ZNF487: variants seen among roughly 807,000 people sequenced by gnomAD.
ZNF487 encodes the protein zinc finger protein 487, also known as KRAB domain only 1.
A neutral mutation model predicts 3.0 loss-of-function variants in ZNF487; 4 were observed. That is an observed-to-expected ratio of 1.35 (90% CI 0.66 to 3.08). ZNF487 has a LOEUF of 3.08. Ranked by LOEUF, ZNF487 falls within the 30% of genes most tolerant of loss-of-function variation. ZNF487 has a pLI of 0.01. For missense variants in ZNF487, 146 were observed against 98.7 expected, an observed-to-expected ratio of 1.48 and a Z score of -2.03; for synonymous variants, 55 against 34.6, an observed-to-expected ratio of 1.59 and a Z score of -2.06.
intron 1 of ZNF487, among the ~76,000 whole-genome samples, chr10:43,462,781 T>A (rs1428076095): frequency 6.7e-6 from 1 of 150,282 alleles, no homozygotes; most frequent in Admixed American, 6.7e-5. Context: ...TTTTTTTTTA[T>A]AAATAGAGAT....
chr10:43,511,845 C>T, the ZNF487 span, among the ~76,000 whole-genome samples: 1 of 152,210 alleles, frequency 6.6e-6, no homozygotes, highest in African/African-American at 2.4e-5. Context: ...TGAGCACTCA[C>T]ATGGGATACA....
chr10:43,497,778 C>T, the ZNF487 span, among the ~76,000 whole-genome samples: 9 of 151,550 alleles, frequency 5.9e-5, no homozygotes, highest in East Asian at 1.8e-3. Context: ...CCATCCTGGC[C>T]AACACGGTGA....
chr10:43,491,231 C>T, the ZNF487 span, among the ~76,000 whole-genome samples: 9 of 151,770 alleles, frequency 5.9e-5, 1 homozygote, highest in Non-Finnish European at 1.0e-4. Flanking sequence ...GCCTCAGCCT[C>T]CCAAAGTACT....
In ZNF487 at chr10:43,481,999, C is replaced by CA; in HGVS notation, c.*78dup. 1.7e-6 allele frequency: 1 copy of CA among 590,556 alleles called. No homozygotes were observed. The highest frequency in any genetic ancestry group is 3.0e-6 in the Non-Finnish European group (1 of 335,600). The allele number at this position is 590,556 out of a possible 1,614,324, so 36.6% of individuals were successfully genotyped here. On this transcript the variant is annotated 3_prime_UTR_variant, in exon 4 of 4. Coordinates refer to ENST00000437590, the MANE Select transcript of ZNF487 (RefSeq NM_001355444.3). The stretch of plus-strand genomic sequence containing the variant: ...TCAGAGAACTCACATAAGGAAGAGT[C>CA]ACCATGAATTCAATGAATGTGAGAG...
Position 43,481,479 on chromosome 10 carries a change from C to T in ZNF487, c.181C>T (p.Gln61Ter). The T allele has an allele frequency of 1.4e-6, 1 of 717,046 alleles. No homozygotes were observed. The highest frequency in any genetic ancestry group is 2.6e-6 in the Non-Finnish European group (1 of 384,994). The allele number at this position is 717,046 out of a possible 1,614,324, so 44.4% of individuals were successfully genotyped here. The change falls in exon 4 of 4, where the codon CAG (glutamine) becomes TAG (stop). Residue 61 changes from glutamine to a stop codon, truncating the protein, a stop_gained. Transcript: ENST00000437590. LOFTEE classifies it low-confidence loss of function (END_TRUNC). ...GGAGAAGAGACAGGAAAATCAAGAC[C>T]AGCATTTGCAGAAAGTTGATTTTGT... ...LMEKRQENQD[Q>*]HLQKVDFVNN... is the part of the protein sequence containing the mutation.
At chr10:43,517,065 A>C in the ZNF487 span, among the ~76,000 whole-genome samples, 21 of 152,202 alleles carry the variant, frequency 1.4e-4, no homozygotes, top group Non-Finnish European at 5.9e-5. Flanking sequence ...GACAACTATC[A>C]TATTACATTG....
the ZNF487 span, among the ~76,000 whole-genome samples, chr10:43,497,729 A>G: frequency 1.0e-3 from 152 of 152,118 alleles, no homozygotes; most frequent in Non-Finnish European, 1.9e-3. Flanking sequence ...GCACTTTGGG[A>G]GGCCGAGGCG....
chr10:43,502,430 A>C, the ZNF487 span, among the ~76,000 whole-genome samples: 110,075 of 151,802 alleles, frequency 0.73, 41,200 homozygotes, highest in East Asian at 0.93. Flanking sequence ...GTAAATGATG[A>C]GTTAATGGGT....
chr10:43,522,024 A>G, the ZNF487 span, among the ~76,000 whole-genome samples: 104,005 of 151,862 alleles, frequency 0.68, 35,980 homozygotes, highest in East Asian at 1. Flanking sequence ...AACTGTGGTA[A>G]AAGAAAATGA....
At position 43,482,989 on chromosome 10, in the gene ZNF487, A is replaced by G. The variant is rs748170239; in HGVS notation, c.*1067A>G. The G allele has an allele frequency of 2.0e-6, 1 of 509,444 alleles. No individual in the cohort carries two copies. The highest frequency in any genetic ancestry group is 4.0e-6 in the Non-Finnish European group (1 of 250,658). 31.6% of individuals were successfully genotyped at this position (509,444 alleles called of 1,614,324 possible). A position where few individuals can be genotyped will look rare whatever the true frequency, so the allele number is the denominator to read the frequency against. On this transcript the variant is annotated 3_prime_UTR_variant, in exon 4 of 4. Coordinates refer to ENST00000437590, the MANE Select transcript of ZNF487 (RefSeq NM_001355444.3). ...ACACATCAGAGAACACACACAAGGGAGCAACCCTATGAATATAATGAAAGC... is the reference window on the plus strand; with the variant it reads ...ACACATCAGAGAACACACACAAGGGGGCAACCCTATGAATATAATGAAAGC...
chr10:43,493,709 A>AAAAAAAAAAAAAAAAATATATATAT, the ZNF487 span, among the ~76,000 whole-genome samples: 1 of 43,704 alleles, frequency 2.3e-5, no homozygotes, highest in Non-Finnish European at 4.0e-5. Context: ...AAAAAAAAAA[A>AAAAAAAAAAAAAAAAATATATATAT]ATATATATAT....
At position 43,459,768 on chromosome 10, in the gene ZNF487, T is replaced by TTTATTATTA. The variant is rs71016770; in HGVS notation, c.-93-15914_-93-15906dup. ...TTTGCCGTGTTGCTCAGGCTGTGAG[T>TTTATTATTA]TTATTATTATTATTATTATTATTAT... On this transcript the variant is annotated intron_variant, in intron 1 of 3. Transcript: ENST00000437590. Among the ~76,000 whole-genome samples the TTTATTATTA allele has an allele frequency of 7.3e-3, 1,003 of 138,310 alleles. 5 individuals are homozygous for TTTATTATTA. Among genetic ancestry groups the TTTATTATTA allele is most frequent in the East Asian group, 0.033 (156 of 4,670 alleles). The allele number at this position is 138,310 out of a possible 152,430, so 90.7% of individuals were successfully genotyped here.
chr10:43,479,612 T>G (rs1328984234), intron 3 of ZNF487, among the ~76,000 whole-genome samples: 1 of 152,124 alleles, frequency 6.6e-6, no homozygotes, highest in African/African-American at 2.4e-5. Flanking sequence ...GAAACCTTAT[T>G]TGTAGTTTCT....
chr10:43,502,418 A>G, the ZNF487 span, among the ~76,000 whole-genome samples: 1 of 152,282 alleles, frequency 6.6e-6, no homozygotes, highest in East Asian at 1.9e-4. Flanking sequence ...GGTATACCTA[A>G]TGTAAATGAT....
the ZNF487 span, among the ~76,000 whole-genome samples, chr10:43,492,491 G>A: frequency 6.6e-5 from 10 of 150,666 alleles, no homozygotes; most frequent in Non-Finnish European, 1.0e-4. Flanking sequence ...TCGCTCTATC[G>A]CCCAGGCTGG....
chr10:43,455,428 T>G (rs1184649722), intron 1 of ZNF487, among the ~76,000 whole-genome samples: 1 of 152,226 alleles, frequency 6.6e-6, no homozygotes, highest in African/African-American at 2.4e-5. Flanking sequence ...ACTCAGCTGC[T>G]TTGCTTTCCG....
chr10:43,437,729 T>C (rs1839438001), intron 1 of ZNF487, among the ~76,000 whole-genome samples: 1 of 152,204 alleles, frequency 6.6e-6, no homozygotes, highest in East Asian at 1.9e-4. Flanking sequence ...GAGGAAATAG[T>C]TGCAAATCTT....
At chr10:43,487,977 G>A (rs1482429603), downstream of ZNF487, among the ~76,000 whole-genome samples, 12 of 148,976 alleles carry the variant, frequency 8.1e-5, no homozygotes, top group African/African-American at 3.0e-4. Context: ...ATGGTGGCAG[G>A]CGCCTGTAGT....
upstream of ZNF487, chr10:43,437,056 T>C (rs1011715463): frequency 3.2e-6 from 1 of 316,784 alleles, no homozygotes; most frequent in Admixed American, 4.5e-5. Context: ...CAGGGAGCGC[T>C]GGACTGGCGG....
Sources: gnomAD v4.1 joint callset for allele counts (sites outside exome capture counted in the v4.1 genomes callset) on GRCh38, gnomAD v4.1.1 for gene constraint, MANE v1.5 for transcripts, NCBI Gene and HGNC (gene_info 2026-07-23, HGNC 2026-07-21) for gene names.